The following CEMIP2 variants were observed in gnomAD, a reference collection of about 807,000 sequenced individuals.
The protein encoded by CEMIP2 is cell surface hyaluronidase CEMIP2.
CEMIP2 carries 79 observed loss-of-function variants against 146.9 expected under a neutral mutation model. The ratio of observed to expected loss-of-function variants is 0.54; its 90% CI spans 0.45 to 0.65. The LOEUF is 0.65. Among genes scored for constraint, CEMIP2 ranks in the 30% least tolerant of loss-of-function variants. The probability of loss-of-function intolerance (pLI) is 0.00; values close to 1 mark genes in which losing one functional copy is unlikely to be tolerated. For missense variants in CEMIP2, 1,596 were observed against 1,696.2 expected (o/e 0.94, Z 1.04); for synonymous variants, 601 against 606.3 (o/e 0.99, Z 0.13).
intron 11 of CEMIP2, among the ~76,000 whole-genome samples, chr9:71,723,697 A>T (rs1296386588): frequency 6.6e-6 from 1 of 152,206 alleles, no homozygotes; most frequent in Non-Finnish European, 1.5e-5. Flanking sequence ...CTCAGTAAGC[A>T]GTAGGATAAG....
chr9:71,690,577 C>G (rs1251262617), intron 21 of CEMIP2, among the ~76,000 whole-genome samples: 2 of 152,156 alleles, frequency 1.3e-5, no homozygotes, highest in Non-Finnish European at 2.9e-5. Context: ...TCACTGGGGT[C>G]AAAGCTTTAT....
intron 10 of CEMIP2, among the ~76,000 whole-genome samples, chr9:71,728,814 T>TG (rs1353135030): frequency 0.011 from 1,008 of 90,616 alleles, 10 homozygotes; most frequent in African/African-American, 0.027. Context: ...TTGTGGGGTT[T>TG]TTGTGTGTGT....
intron 13 of CEMIP2, 147 bp downstream of exon 13, chr9:71,717,801 G>A: frequency 2.7e-6 from 2 of 734,652 alleles, no homozygotes; most frequent in Non-Finnish European, 2.0e-6. Flanking sequence ...TTTAACTCTA[G>A]CATACTTCCT....
chr9:71,704,926 C>T (rs1822691284), intron 17 of CEMIP2, 123 bp from the exon 18 acceptor site: 3 of 898,326 alleles, frequency 3.3e-6, no homozygotes, highest in African/African-American at 1.7e-5. Context: ...CTGTGCCAGA[C>T]TAAGTGAGCA....
At position 71,751,364 on chromosome 9, in the gene CEMIP2, T is replaced by C. The variant is rs555048057; in HGVS notation, c.-12-979A>G. Among the ~76,000 whole-genome samples the C allele has an allele frequency of 2.0e-5, 3 of 152,336 alleles. No individual in the cohort carries two copies. The South Asian group carries it at 6.2e-4, about 32-fold the overall frequency. On this transcript the variant is annotated intron_variant, in intron 1 of 23. Coordinates refer to ENST00000377044, the MANE Select transcript of CEMIP2 (RefSeq NM_013390.3). ...ATCACCTTCATTACTTGTGTTCTAA[T>C]GTCACTCCTTCTCAACCCTGGCTGC...
chr9:71,755,961 CAAA>C (rs55972127), intron 1 of CEMIP2, among the ~76,000 whole-genome samples: 2 of 52,890 alleles, frequency 3.8e-5, no homozygotes, highest in African/African-American at 1.8e-4. Flanking sequence ...CTCTGTCTCA[CAAA>C]AAAAAAAAAA....
At chr9:71,702,278 A>AAC (rs1554681412) in intron 18 of CEMIP2, among the ~76,000 whole-genome samples, 7,363 of 144,808 alleles carry the variant, frequency 0.051, 317 homozygotes, top group Middle Eastern at 0.11. Flanking sequence ...AAAAAAAAAA[A>AAC]AATATTGTTC....
In CEMIP2 at chr9:71,712,248, A is replaced by T; in HGVS notation, c.2604T>A (p.Ile868=). 6.2e-7 allele frequency: 1 copy of T among 1,614,094 alleles called. No homozygotes were observed. Among genetic ancestry groups the T allele is most frequent in the Non-Finnish European group, 8.5e-7 (1 of 1,179,996 alleles). The change falls in exon 16 of 24, where the codon ATT becomes ATA. Residue 868 remains isoleucine (I), a synonymous_variant. Transcript: ENST00000377044. The part of the protein sequence containing the change: ...RTLPRNRTFP[I]RGFQIYDGPI... Reference sequence around the variant, plus strand: ...GCCCATCATAAATCTGAAAGCCTCTAATTGGGAACGTCCTGTGGAAATACA... The same window carrying T: ...GCCCATCATAAATCTGAAAGCCTCTTATTGGGAACGTCCTGTGGAAATACA...
chr9:71,741,639 T>G (rs1324429201), intron 4 of CEMIP2, among the ~76,000 whole-genome samples: 5 of 129,738 alleles, frequency 3.9e-5, no homozygotes, highest in Non-Finnish European at 6.7e-5. Context: ...TGGTTTTTTT[T>G]TTTTTTTTTT....
At chr9:71,691,691 CA>C (rs1304361711) in intron 21 of CEMIP2, among the ~76,000 whole-genome samples, 1 of 152,132 alleles carries the variant, frequency 6.6e-6, no homozygotes, top group Non-Finnish European at 1.5e-5. Context: ...TAAAGCAAAG[CA>C]AGGTACTGTG....
intron 4 of CEMIP2, among the ~76,000 whole-genome samples, chr9:71,741,631 GTTT>G (rs11334265): frequency 4.1e-5 from 3 of 73,164 alleles, no homozygotes; most frequent in South Asian, 1.1e-3. Flanking sequence ...TTCTTTTCTG[GTTT>G]TTTTTTTTTT....
chr9:71,699,518 A>G, intron 19 of CEMIP2: 1 of 407,796 alleles, frequency 2.5e-6, no homozygotes, highest in Admixed American at 3.1e-5. Flanking sequence ...CAATTATGAC[A>G]ATAAAACTTT....
chr9:71,746,941 G>A (rs1343669274), intron 2 of CEMIP2, among the ~76,000 whole-genome samples: 1 of 152,268 alleles, frequency 6.6e-6, no homozygotes, highest in Non-Finnish European at 1.5e-5. Flanking sequence ...CAGAGATGAG[G>A]AAATTACAGG....
At position 71,750,108 on chromosome 9, in the gene CEMIP2, G is replaced by C; in HGVS notation, c.266C>G (p.Thr89Ser). The change falls in exon 2 of 24, where the codon ACT becomes AGT. Residue 89 changes from threonine (T) to serine (S), a missense_variant. By Grantham distance (58) the Thr-to-Ser change is moderately conservative. Coordinates refer to ENST00000377044, the MANE Select transcript of CEMIP2 (RefSeq NM_013390.3). Reference protein sequence around the residue: ...HKNTFICFAITSFSFFIALAI... With the variant: ...HKNTFICFAISSFSFFIALAI... ...AAGTGCAATAAAAAATGAGAAACTA[G>C]TAATAGCAAAACAAATGAAAGTATT... The C allele has an allele frequency of 5.6e-6, 9 of 1,613,788 alleles. No homozygotes were observed. Among genetic ancestry groups the C allele is most frequent in the Non-Finnish European group, 7.6e-6 (9 of 1,179,906 alleles).
rs571284402 is a variant in CEMIP2 at position 71,690,188 on chromosome 9, G to A, written c.3755C>T (p.Pro1252Leu). The change falls in exon 22 of 24, where the codon CCG becomes CTG. Residue 1252 changes from proline (P) to leucine (L), a missense_variant. Coordinates refer to ENST00000377044, the MANE Select transcript of CEMIP2 (RefSeq NM_013390.3). ...CGTCAAGCGGAATGGAACGCTGCAC[G>A]GATCCACAACAAGGAGGAGGACGCC... ...SAGVLLLVVD[P>L]CSVPFRLTEK... The A allele has an allele frequency of 5.0e-5, 81 of 1,614,130 alleles. No individual in the cohort carries two copies. In the South Asian group the frequency reaches 6.8e-4, roughly 14 times the overall value.
At chr9:71,735,624 CA>C (rs148007796) in intron 5 of CEMIP2, among the ~76,000 whole-genome samples, 1 of 151,776 alleles carries the variant, frequency 6.6e-6, no homozygotes, top group African/African-American at 2.4e-5. Context: ...CCTGTCCCTA[CA>C]AAAAAACATT....
intron 21 of CEMIP2, among the ~76,000 whole-genome samples, 168 bp downstream of exon 21, chr9:71,694,341 T>C (rs949316723): frequency 1.3e-4 from 20 of 152,126 alleles, no homozygotes; most frequent in South Asian, 6.2e-4. Flanking sequence ...TTAGCCAGGA[T>C]GGTCTCGATC....
Position 71,746,291 on chromosome 9 carries a change from C to T in CEMIP2, c.382G>A (p.Asp128Asn), listed in dbSNP as rs1717884553. The change falls in exon 3 of 24, where the codon GAT becomes AAT. Residue 128 changes from aspartate to asparagine, a missense_variant. Asp to Asn is a conservative substitution (Grantham distance 23, BLOSUM62 1). Coordinates refer to ENST00000377044, the MANE Select transcript of CEMIP2 (RefSeq NM_013390.3). ...PRLRNWDPGQDSAKQVVIKEG... is the reference protein window; with the variant it reads ...PRLRNWDPGQNSAKQVVIKEG... ...TTGATAACAACTTGCTTTGCAGAAT[C>T]TTGTCCTGGATCCCAATTCCTGAGA... The T allele has an allele frequency of 6.2e-7, 1 of 1,613,866 alleles. No homozygotes were observed. Among genetic ancestry groups the T allele is most frequent in the Admixed American group, 1.7e-5 (1 of 59,992 alleles).
At chr9:71,701,440 A>G (rs1822559464) in intron 18 of CEMIP2, among the ~76,000 whole-genome samples, 1 of 152,206 alleles carries the variant, frequency 6.6e-6, no homozygotes, top group African/African-American at 2.4e-5. Context: ...ATTTGAAAGA[A>G]CATTAAAAAG....
Sources: gnomAD v4.1 joint callset for allele counts (sites outside exome capture counted in the v4.1 genomes callset) on GRCh38, gnomAD v4.1.1 for gene constraint, MANE v1.5 for transcripts, NCBI Gene and HGNC (gene_info 2026-07-23, HGNC 2026-07-21) for gene names.